Variants in GNAL observed in about 807,000 individuals in gnomAD.
GNAL encodes the protein guanine nucleotide-binding protein G(olf) subunit alpha.
A neutral mutation model predicts 55.1 loss-of-function variants in GNAL; 18 were observed. The observed-to-expected ratio is 0.33, with a 90% CI of 0.23 to 0.48. GNAL has a LOEUF of 0.48. GNAL is among the 20% of genes least tolerant of loss of function. The pLI is 0.99. For synonymous variants in GNAL, 253 were observed against 237.0 expected (o/e 1.07, Z -0.62); for missense variants, 412 against 614.1 (o/e 0.67, Z 3.48).
At chr18:11,692,096 G>A (rs866403517) in intron 1 of GNAL, among the ~76,000 whole-genome samples, 3 of 152,006 alleles carry the variant, frequency 2.0e-5, no homozygotes, top group Admixed American at 6.5e-5. Context: ...GCTTTTGATC[G>A]CAATTTTGTG....
Position 11,805,152 on chromosome 18 carries a change from A to C in GNAL, c.625-19766A>C, listed in dbSNP as rs77894781. On this transcript the variant is annotated intron_variant, in intron 4 of 11. Transcript: ENST00000334049. ...TGTGTAGTGGTGAAGTACAGGTGCA[A>C]TTTGAGTGGAACATGGAGATACTGT... Among the ~76,000 whole-genome samples the C allele has an allele frequency of 4.6e-4, 12 of 26,082 alleles. No homozygotes were observed. The South Asian group carries it at 4.9e-3, about 11-fold the overall frequency. The allele number at this position is 26,082 out of a possible 152,430, so 17.1% of individuals were successfully genotyped here.
chr18:11,738,148 T>C (rs943932407), intron 1 of GNAL, among the ~76,000 whole-genome samples: 3 of 152,168 alleles, frequency 2.0e-5, no homozygotes, highest in Admixed American at 2.0e-4. Context: ...AGACCCTGCT[T>C]CCAGGCTTTC....
chr18:11,699,721 A>G (rs1452522297), intron 1 of GNAL, among the ~76,000 whole-genome samples: 1 of 152,208 alleles, frequency 6.6e-6, no homozygotes, highest in African/African-American at 2.4e-5. Flanking sequence ...GACAGCGCAC[A>G]GAGGACTTTT....
In GNAL at chr18:11,714,479, G is replaced by A. The variant is rs188975269; in HGVS notation, c.376+24540G>A. Among the ~76,000 whole-genome samples, 5 of 152,260 alleles carry A rather than the reference G, an allele frequency of 3.3e-5. No homozygotes were observed. In the East Asian group the frequency reaches 9.7e-4, roughly 29 times the overall value. Reference sequence around the variant, plus strand: ...AGGGGTAGAGGTATGTTAATTATGCGTTTGTCTCACGCTCAGTAAATCTGC... The same window carrying A: ...AGGGGTAGAGGTATGTTAATTATGCATTTGTCTCACGCTCAGTAAATCTGC... On this transcript the variant is annotated intron_variant, in intron 1 of 11. Coordinates refer to ENST00000334049, the MANE Select transcript of GNAL (RefSeq NM_182978.4).
rs112371184 is a variant in GNAL at position 11,875,403 on chromosome 18, C to A, written c.1163-1218C>A. On this transcript the variant is annotated intron_variant, in intron 10 of 11. Coordinates refer to ENST00000334049, the MANE Select transcript of GNAL (RefSeq NM_182978.4). ...TAGGATTTAGATCTGTGTCCCTAAC[C>A]AAATCTTTTGTGGAATTGTAATCCC... Among the ~76,000 whole-genome samples the A allele has an allele frequency of 7.7e-3, 1,168 of 152,282 alleles. 14 individuals are homozygous for A. Among genetic ancestry groups the A allele is most frequent in the African/African-American group, 0.027 (1,120 of 41,538 alleles).
intron 5 of GNAL, among the ~76,000 whole-genome samples, chr18:11,855,627 G>A (rs1481512801): frequency 1.3e-5 from 2 of 152,128 alleles, no homozygotes; most frequent in African/African-American, 4.8e-5. Flanking sequence ...TTAAATACAG[G>A]CAGACCATGA....
At chr18:11,871,624 GGAA>G (rs1481023490) in intron 9 of GNAL, among the ~76,000 whole-genome samples, 1 of 152,144 alleles carries the variant, frequency 6.6e-6, no homozygotes, top group African/African-American at 2.4e-5. Context: ...TGATGGAGGC[GGAA>G]GAAGAACCAA....
rs113094646 is a variant in GNAL, at chr18:11,746,870, TC to T, written c.377-5982del. 2.1e-3 allele frequency: 1,139 copies of T among 537,920 alleles called. 8 individuals are homozygous for T. The highest frequency in any genetic ancestry group is 0.019 in the African/African-American group (984 of 52,058). The allele number at this position is 537,920 out of a possible 1,614,324, so 33.3% of individuals were successfully genotyped here. Reference sequence around the variant, plus strand: ...TGAACATCATGAAACCCTCTTGAACTCTGAGGAAGGCACTCAGGCTCTGGAT... The same window carrying T: ...TGAACATCATGAAACCCTCTTGAACTTGAGGAAGGCACTCAGGCTCTGGAT... On this transcript the variant is annotated intron_variant, in intron 1 of 11. Transcript: ENST00000334049.
intron 4 of GNAL, among the ~76,000 whole-genome samples, chr18:11,777,923 G>A (rs1376620304): frequency 6.6e-6 from 1 of 152,170 alleles, no homozygotes; most frequent in African/African-American, 2.4e-5. Flanking sequence ...TCAGTGATGG[G>A]TTGAGGTTTG....
chr18:11,856,929 CA>C (rs560549216), intron 5 of GNAL, among the ~76,000 whole-genome samples: 1 of 151,698 alleles, frequency 6.6e-6, no homozygotes, highest in Admixed American at 6.6e-5. Context: ...GAGACTGTCT[CA>C]AAAAAATAAA....
intron 5 of GNAL, among the ~76,000 whole-genome samples, chr18:11,848,545 C>T (rs2035788484): frequency 6.6e-6 from 1 of 151,912 alleles, no homozygotes. Context: ...CAACCTCCAC[C>T]TTTCCAGTTC....
intron 5 of GNAL, chr18:11,852,229 C>G (rs759403027): frequency 2.4e-5 from 31 of 1,311,364 alleles, no homozygotes; most frequent in Non-Finnish European, 3.0e-5. Flanking sequence ...AAATGCCCTT[C>G]TACCTTTGGG....
chr18:11,833,970 A>G (rs1175939397), intron 5 of GNAL, among the ~76,000 whole-genome samples: 1 of 152,130 alleles, frequency 6.6e-6, no homozygotes, highest in Non-Finnish European at 1.5e-5. Flanking sequence ...GTTGCCTCCA[A>G]ATGTGAGGCT....
intron 4 of GNAL, among the ~76,000 whole-genome samples, chr18:11,777,794 G>A (rs1227129829): frequency 6.6e-6 from 1 of 152,168 alleles, no homozygotes; most frequent in Non-Finnish European, 1.5e-5. Context: ...TACATCCTAA[G>A]AGCTGGAGAC....
At chr18:11,781,204 T>C (rs72865300) in intron 4 of GNAL, among the ~76,000 whole-genome samples, 2,287 of 152,334 alleles carry the variant, frequency 0.015, 31 homozygotes, top group South Asian at 0.024. Flanking sequence ...ACATGCATTA[T>C]CTGTGGTAAC....
chr18:11,830,241 G>T (rs557117059), intron 5 of GNAL, among the ~76,000 whole-genome samples: 3 of 148,914 alleles, frequency 2.0e-5, no homozygotes, highest in South Asian at 2.1e-4. Context: ...ATCTTGGTGT[G>T]ACAGTAAGTC....
chr18:11,861,899 T>C (rs911431530), intron 5 of GNAL, among the ~76,000 whole-genome samples: 2 of 151,924 alleles, frequency 1.3e-5, no homozygotes, highest in Admixed American at 6.6e-5. Context: ...TTTACACATT[T>C]ACTCTTGCAC....
Position 11,752,620 on chromosome 18 carries a change from G to T in GNAL, c.377-233G>T, listed in dbSNP as rs749915437. The T allele has an allele frequency of 6.4e-7, 1 of 1,553,558 alleles. No individual in the cohort carries two copies. Among genetic ancestry groups the T allele is most frequent in the South Asian group, 1.2e-5 (1 of 84,058 alleles). ...CGCGGCGGCTCCCGGCCCCAGCGGA[G>T]CGCACAGCCAGGAGCGGCGAGCGCC... is the stretch of plus-strand genomic sequence containing the variant. On this transcript the variant is annotated intron_variant, in intron 1 of 11. Transcript: ENST00000334049. This position sits in a 1 kb window ranked among gnomAD's most constrained non-coding sequence, Gnocchi z 4.5.
chr18:11,861,574 C>T (rs1231530464), intron 5 of GNAL, among the ~76,000 whole-genome samples: 1 of 152,188 alleles, frequency 6.6e-6, no homozygotes, highest in African/African-American at 2.4e-5. Context: ...CAGTGGGAAA[C>T]GTGCAGCCTG....
Sources: allele counts gnomAD v4.1 joint callset (sites outside exome capture counted in the v4.1 genomes callset), GRCh38; gene constraint gnomAD v4.1.1; non-coding constraint Gnocchi (gnomAD v3.1); transcripts MANE v1.5; gene names NCBI Gene and HGNC (gene_info 2026-07-23, HGNC 2026-07-21).